FBXO25: variants seen among roughly 807,000 people sequenced by gnomAD.
FBXO25 encodes the protein F-box only protein 25.
FBXO25 carries 45 observed loss-of-function variants against 51.9 expected under a neutral mutation model. The ratio of observed to expected loss-of-function variants is 0.87; its 90% confidence interval spans 0.68 to 1.11. The LOEUF is 1.11. FBXO25 is among the 50% of genes most tolerant of loss of function. The pLI is 0.00. For missense variants in FBXO25, 507 were observed against 428.5 expected (o/e 1.18, Z -1.62); for synonymous variants, 199 against 151.0 (o/e 1.32, Z -2.33).
At chr8:436,534 A>G (rs570091943) in intron 5 of FBXO25, among the ~76,000 whole-genome samples, 9 of 152,214 alleles carry the variant, frequency 5.9e-5, no homozygotes, top group African/African-American at 2.2e-4. Context: ...TGTAACTACT[A>G]CTTACAACTC....
intron 7 of FBXO25, among the ~76,000 whole-genome samples, chr8:456,509 C>T (rs1164866048): frequency 6.6e-6 from 1 of 152,168 alleles, no homozygotes; most frequent in East Asian, 1.9e-4. Context: ...ATGCTGGCTG[C>T]TGGGGAAGTG....
chr8:468,801 T>G lies in FBXO25; in HGVS notation c.1074T>G (p.Phe358Leu). Residue 358 changes from phenylalanine (F) to leucine (L), a missense_variant, in exon 10 of 10, where the codon TTT becomes TTG. Physicochemically the swap from Phe to Leu is conservative, Grantham distance 22. Transcript: ENST00000350302. ...SPQHFIDLFK[F>L] Reference sequence around the variant, plus strand: ...AGCACTTCATCGACCTCTTCAAGTTTTAAGGGCTGCCCCTGCCATCCCTAT... The same window carrying G: ...AGCACTTCATCGACCTCTTCAAGTTGTAAGGGCTGCCCCTGCCATCCCTAT... The G allele has an allele frequency of 1.2e-6, 2 of 1,613,904 alleles. No homozygotes were observed. Among genetic ancestry groups the G allele is most frequent in the African/African-American group, 1.3e-5 (1 of 75,010 alleles).
At position 470,189 on chromosome 8, in the gene FBXO25, A is replaced by AT. The variant is rs1191361001; in HGVS notation, c.*1387dup. ...GGAACAGGCTTTTTCATCACAACAT[A>AT]TTGGGGTTCCTGAGTGTCTCGCCGT... is the stretch of plus-strand genomic sequence containing the variant. On this transcript the variant is annotated 3_prime_UTR_variant, in exon 10 of 10. Transcript: ENST00000350302. 3.3e-5 allele frequency: 5 copies of AT among 152,086 alleles called. No individual in the cohort carries two copies. The highest frequency in any genetic ancestry group is 1.2e-4 in the African/African-American group (5 of 41,396). 9.4% of individuals were successfully genotyped at this position (152,086 alleles called of 1,614,324 possible). A position where few individuals can be genotyped will look rare whatever the true frequency, so the allele number is the denominator to read the frequency against.
intron 5 of FBXO25, among the ~76,000 whole-genome samples, chr8:440,568 A>G (rs1217266301): frequency 2.0e-5 from 3 of 151,906 alleles, no homozygotes; most frequent in Non-Finnish European, 4.4e-5. Context: ...ACTTTCTTAA[A>G]TGCGTCATAT....
At position 442,470 on chromosome 8, in the gene FBXO25, T is replaced by G. The variant is rs561416711; in HGVS notation, c.381+6763T>G. Among the ~76,000 whole-genome samples the G allele has an allele frequency of 4.6e-5, 7 of 152,230 alleles. No homozygotes were observed. The South Asian group carries it at 1.5e-3, about 32-fold the overall frequency. On this transcript the variant is annotated intron_variant, in intron 5 of 9. Transcript: ENST00000350302. ...CAGAGGAAGTTATTTCCACTTTAGTTTTTTATTTTGTATTTTTCTGAGACA... is the reference window on the plus strand; with the variant it reads ...CAGAGGAAGTTATTTCCACTTTAGTGTTTTATTTTGTATTTTTCTGAGACA...
At chr8:442,175 T>G (rs1394360138) in intron 5 of FBXO25, among the ~76,000 whole-genome samples, 1 of 152,160 alleles carries the variant, frequency 6.6e-6, no homozygotes, top group African/African-American at 2.4e-5. Context: ...TAGGCCCTGC[T>G]ATATCCCAAG....
intron 1 of FBXO25, among the ~76,000 whole-genome samples, chr8:411,961 G>C: frequency 6.6e-6 from 1 of 152,084 alleles, no homozygotes. Context: ...AACTAAGATG[G>C]GACTAAGCAC....
At chr8:413,597 A>G (rs991612172) in intron 2 of FBXO25, among the ~76,000 whole-genome samples, 10 of 152,316 alleles carry the variant, frequency 6.6e-5, no homozygotes, top group African/African-American at 1.9e-4. Flanking sequence ...CTGAGTTGGC[A>G]TGATGACTTT....
In FBXO25 at chr8:425,399, T is replaced by C. The variant is rs183293352; in HGVS notation, c.135-5942T>C. 9.2e-5 allele frequency among the ~76,000 whole-genome samples: 14 copies of C among 151,844 alleles called. 1 individual carries two copies. The highest frequency in any genetic ancestry group is 1.9e-4 in the East Asian group (1 of 5,176). On this transcript the variant is annotated intron_variant, in intron 2 of 9. Transcript: ENST00000350302. The stretch of plus-strand genomic sequence containing the variant: ...TTTCTTCTGTTAGCACTTGTAACTT[T>C]CTTATTTTTTTTTTTCTAATCAGAT...
Position 473,541 on chromosome 8 carries a change from T to C in FBXO25, c.*4737T>C, listed in dbSNP as rs11775200. The stretch of plus-strand genomic sequence containing the variant: ...GAGAGGCTGTTAACCCTCCTAGTTG[T>C]CCTTTTTGTACTTGGTCCTCTTCCT... On this transcript the variant is annotated 3_prime_UTR_variant, in exon 10 of 10. Transcript: ENST00000350302. The C allele has an allele frequency of 0.37, 56,327 of 152,008 alleles. 10,749 individuals carry two copies. The highest frequency in any genetic ancestry group is 0.45 in the African/African-American group (18,620 of 41,408). The allele number at this position is 152,008 out of a possible 1,614,324, so 9.4% of individuals were successfully genotyped here. A position where few individuals can be genotyped will look rare whatever the true frequency, so the allele number is the denominator to read the frequency against.
intron 2 of FBXO25, among the ~76,000 whole-genome samples, chr8:416,987 C>T (rs1008515658): frequency 3.3e-5 from 5 of 152,292 alleles, no homozygotes; most frequent in South Asian, 4.1e-4. Context: ...GGAAGGAAAC[C>T]TTAGGCAATG....
intron 1 of FBXO25, among the ~76,000 whole-genome samples, chr8:407,801 T>G (rs1796254747): frequency 6.6e-6 from 1 of 152,104 alleles, no homozygotes; most frequent in Admixed American, 6.5e-5. Context: ...TTAATTTCTT[T>G]CCATGCTTAT....
Position 448,566 on chromosome 8 carries a change from C to G in FBXO25, c.382-1424C>G, listed in dbSNP as rs370378293. On this transcript the variant is annotated intron_variant, in intron 5 of 9. Transcript: ENST00000350302. ...CATGTGAGAACTCAGGGAATACTTA[C>G]TGTTCTCATGAGCAGTTTCGGCTGG... Among the ~76,000 whole-genome samples, 15 of 152,352 alleles carry G rather than the reference C, an allele frequency of 9.8e-5. No individual in the cohort carries two copies. The South Asian group carries it at 2.9e-3, about 29-fold the overall frequency.
At chr8:453,905 C>T (rs562267976) in intron 7 of FBXO25, among the ~76,000 whole-genome samples, 1 of 152,094 alleles carries the variant, frequency 6.6e-6, no homozygotes, top group African/African-American at 2.4e-5. Context: ...AGGTGGATCA[C>T]CTGAGGTCAG....
chr8:468,798 G>T lies in FBXO25; in HGVS notation c.1071G>T (p.Lys357Asn). 6.2e-7 allele frequency: 1 copy of T among 1,613,890 alleles called. No homozygotes were observed. The highest frequency in any genetic ancestry group is 8.5e-7 in the Non-Finnish European group (1 of 1,179,968). Residue 357 changes from lysine to asparagine, a missense_variant, in exon 10 of 10, where the codon AAG (lysine) becomes AAT (asparagine). Coordinates refer to ENST00000350302, the MANE Select transcript of FBXO25 (RefSeq NM_183420.2). The stretch of plus-strand genomic sequence containing the variant: ...CGCAGCACTTCATCGACCTCTTCAA[G>T]TTTTAAGGGCTGCCCCTGCCATCCC... ...VSPQHFIDLFKF is the reference protein window; with the variant it reads ...VSPQHFIDLFNF
At position 476,631 on chromosome 8, in the gene FBXO25, C is replaced by A. The variant is rs1397902147; in HGVS notation, c.*7827C>A. On this transcript the variant is annotated 3_prime_UTR_variant, in exon 10 of 10. Transcript: ENST00000350302. ...TCCAGTTCATCTAGGTTATCCAATTCTTTGATATGTAATTGCTCATAGTAC... is the reference window on the plus strand; with the variant it reads ...TCCAGTTCATCTAGGTTATCCAATTATTTGATATGTAATTGCTCATAGTAC... 1.3e-5 allele frequency: 2 copies of A among 152,122 alleles called. No homozygotes were observed. The highest frequency in any genetic ancestry group is 3.9e-4 in the East Asian group (2 of 5,192). The allele number at this position is 152,122 out of a possible 1,614,324, so 9.4% of individuals were successfully genotyped here.
rs1036735679 is a variant in FBXO25, at chr8:477,096, G to T, written c.*8292G>T. 1 of 152,102 alleles carries T rather than the reference G, an allele frequency of 6.6e-6. No individual in the cohort carries two copies. Among genetic ancestry groups the T allele is most frequent in the Non-Finnish European group, 1.5e-5 (1 of 68,024 alleles). The allele number at this position is 152,102 out of a possible 1,614,324, so 9.4% of individuals were successfully genotyped here. On this transcript the variant is annotated 3_prime_UTR_variant, in exon 10 of 10. Coordinates refer to ENST00000350302, the MANE Select transcript of FBXO25 (RefSeq NM_183420.2). ...TTTTCACATAATTGTGTACTTTTCA[G>T]TTTTTTGTCTGTTACTGATTTCTAG...
In FBXO25 at chr8:463,016, C is replaced by T. The variant is rs1443911905; in HGVS notation, c.853C>T (p.His285Tyr). The T allele has an allele frequency of 6.2e-7, 1 of 1,610,886 alleles. No individual in the cohort carries two copies. Among genetic ancestry groups the T allele is most frequent in the Admixed American group, 1.7e-5 (1 of 59,014 alleles). The change falls in exon 9 of 10, where the codon CAT becomes TAT. Residue 285 changes from histidine (H) to tyrosine (Y), a missense_variant. Physicochemically the swap from His to Tyr is moderately conservative, Grantham distance 83. Coordinates refer to ENST00000350302, the MANE Select transcript of FBXO25 (RefSeq NM_183420.2). ...YHFAEKQFCRHLILSEKGHIE... is the reference protein window; with the variant it reads ...YHFAEKQFCRYLILSEKGHIE... Reference sequence around the variant, plus strand: ...AGTTTTGTTTGTTTAGTTTTGTAGACATTTGATCCTTTCAGAAAAAGGTCA... The same window carrying T: ...AGTTTTGTTTGTTTAGTTTTGTAGATATTTGATCCTTTCAGAAAAAGGTCA...
chr8:445,292 T>C (rs1798669661), intron 5 of FBXO25, among the ~76,000 whole-genome samples: 1 of 152,296 alleles, frequency 6.6e-6, no homozygotes, highest in African/African-American at 2.4e-5. Flanking sequence ...AAACATGATA[T>C]TAAAGAAATG....
Sources: gnomAD v4.1 joint callset for allele counts (sites outside exome capture counted in the v4.1 genomes callset) on GRCh38, gnomAD v4.1.1 for gene constraint, MANE v1.5 for transcripts, NCBI Gene and HGNC (gene_info 2026-07-23, HGNC 2026-07-21) for gene names.